The following RAB7B variants were observed in gnomAD, a reference collection of about 807,000 sequenced individuals.
RAB7B encodes the protein ras-related protein Rab-7b.
chr1:205,997,942 C>T (rs1384655121), intron 1 of RAB7B, among the ~76,000 whole-genome samples: 1 of 152,236 alleles, frequency 6.6e-6, no homozygotes, highest in Admixed American at 6.5e-5. Flanking sequence ...CTACCGAGGG[C>T]AGGCCATCTT....
At chr1:205,991,302 C>A (rs889957375) in intron 4 of RAB7B, among the ~76,000 whole-genome samples, 3 of 152,304 alleles carry the variant, frequency 2.0e-5, no homozygotes, top group South Asian at 2.1e-4. Flanking sequence ...AATGGAGACA[C>A]CTTGCCTTTG....
intron 2 of RAB7B, among the ~76,000 whole-genome samples, 177 bp downstream of exon 2, chr1:205,993,906 A>G (rs1660767304): frequency 6.6e-6 from 1 of 152,176 alleles, no homozygotes; most frequent in Non-Finnish European, 1.5e-5. Flanking sequence ...ACTGGAAACC[A>G]TCTGTTTACA....
At chr1:206,003,080 C>G (rs1022132858) in intron 1 of RAB7B, among the ~76,000 whole-genome samples, 173 bp downstream of exon 1, 18 of 152,204 alleles carry the variant, frequency 1.2e-4, no homozygotes, top group Non-Finnish European at 2.5e-4. Context: ...GCTGCCACAC[C>G]CTGGGAGCTT....
In RAB7B at chr1:205,985,764, C is replaced by CCCACCAGGCCCACCAGG. The variant is rs1660586150; in HGVS notation, c.397-100_397-99insCCTGGTGGGCCTGGTGG. 20 of 133,636 alleles carry CCCACCAGGCCCACCAGG rather than the reference C, an allele frequency of 1.5e-4. 2 individuals are homozygous for CCCACCAGGCCCACCAGG. The South Asian group carries it at 1.5e-3, about 10-fold the overall frequency. 8.3% of individuals were successfully genotyped at this position (133,636 alleles called of 1,614,324 possible). A position where few individuals can be genotyped will look rare whatever the true frequency, so the allele number is the denominator to read the frequency against. On this transcript the variant is annotated intron_variant, in intron 4 of 5. Coordinates refer to ENST00000617070, the MANE Select transcript of RAB7B (RefSeq NM_001164522.3). ...CCACCATCCCCATCAGGCCCACCAT[C>CCCACCAGGCCCACCAGG]CCCACCATCCCCATCATCCCCACCA...
At chr1:205,983,108 C>T (rs1205799176) in intron 5 of RAB7B, among the ~76,000 whole-genome samples, 3 of 152,258 alleles carry the variant, frequency 2.0e-5, no homozygotes, top group East Asian at 1.9e-4. Flanking sequence ...CACTCCTAGT[C>T]GGGGTTCACG....
intron 1 of RAB7B, among the ~76,000 whole-genome samples, chr1:205,997,169 C>T (rs1319528561): frequency 2.6e-5 from 4 of 152,166 alleles, no homozygotes; most frequent in Non-Finnish European, 5.9e-5. Context: ...ATGGTTCACA[C>T]GTTCATGCAG....
intron 1 of RAB7B, among the ~76,000 whole-genome samples, chr1:205,996,484 A>G (rs1660814701): frequency 6.6e-6 from 1 of 152,126 alleles, no homozygotes; most frequent in African/African-American, 2.4e-5. Flanking sequence ...TTGGCTTTCC[A>G]ACTGGAGAAT....
chr1:205,999,624 A>C (rs1413508960), intron 1 of RAB7B, among the ~76,000 whole-genome samples: 1 of 152,220 alleles, frequency 6.6e-6, no homozygotes, highest in African/African-American at 2.4e-5. Flanking sequence ...TCCTACAGAA[A>C]TACTCATGCA....
intron 5 of RAB7B, chr1:205,984,297 C>T (rs921163870): frequency 3.9e-5 from 6 of 152,416 alleles, no homozygotes; most frequent in Admixed American, 3.9e-4. Flanking sequence ...GGCTCTTCTC[C>T]CTGAGCAGCC....
intron 1 of RAB7B, among the ~76,000 whole-genome samples, chr1:205,996,778 T>C (rs1660818175): frequency 6.6e-6 from 1 of 152,132 alleles, no homozygotes. Context: ...CTTACAGTCA[T>C]GGGTGGATGG....
At position 205,992,653 on chromosome 1, in the gene RAB7B, A is replaced by G; in HGVS notation, c.223T>C (p.Ser75Pro). The G allele has an allele frequency of 2.5e-6, 1 of 398,796 alleles. No homozygotes were observed. 24.7% of individuals were successfully genotyped at this position (398,796 alleles called of 1,614,324 possible). ...GGQERFRSMV[S>P]TFYKGSDGCI... The stretch of plus-strand genomic sequence containing the variant: ...CCATCGGAGCCCTTGTAGAACGTGG[A>G]CACCATGGAGCGGAACCGCTCCTGA... Residue 75 changes from serine to proline, a missense_variant, in exon 4 of 6, where the codon TCC (serine) becomes CCC (proline). Coordinates refer to ENST00000617070, the MANE Select transcript of RAB7B (RefSeq NM_001164522.3).
intron 1 of RAB7B, among the ~76,000 whole-genome samples, chr1:206,001,094 G>A (rs894437454): frequency 1.3e-5 from 2 of 152,232 alleles, no homozygotes; most frequent in Non-Finnish European, 2.9e-5. Flanking sequence ...TATTTTATAA[G>A]AGCCCAGTCC....
chr1:205,979,693 C>T (rs1299457735), intron 5 of RAB7B, among the ~76,000 whole-genome samples: 14 of 152,282 alleles, frequency 9.2e-5, no homozygotes, highest in African/African-American at 2.4e-5. Context: ...AGCTCAATCG[C>T]GTTCATGTTC....
At chr1:205,993,771 G>A (rs1368584632) in intron 2 of RAB7B, among the ~76,000 whole-genome samples, 6 of 152,324 alleles carry the variant, frequency 3.9e-5, no homozygotes, top group Admixed American at 6.5e-5. Flanking sequence ...GTCTGGAGAC[G>A]GTGGAATATC....
chr1:205,998,278 C>G (rs1305170215), intron 1 of RAB7B, among the ~76,000 whole-genome samples: 1 of 152,196 alleles, frequency 6.6e-6, no homozygotes, highest in African/African-American at 2.4e-5. Context: ...ATCACTTGAA[C>G]CCGGGAGGCA....
At chr1:205,996,302 C>A (rs1660812661) in intron 1 of RAB7B, among the ~76,000 whole-genome samples, 1 of 152,104 alleles carries the variant, frequency 6.6e-6, no homozygotes, top group South Asian at 2.1e-4. Flanking sequence ...TCTTTGGATG[C>A]ACTAAGCATG....
At chr1:205,990,178 C>T (rs1256745515) in intron 4 of RAB7B, among the ~76,000 whole-genome samples, 1 of 152,210 alleles carries the variant, frequency 6.6e-6, no homozygotes, top group African/African-American at 2.4e-5. Context: ...GATCAAGACT[C>T]TCTTGGATGA....
intron 4 of RAB7B, among the ~76,000 whole-genome samples, chr1:205,986,616 A>T (rs1660612865): frequency 6.6e-6 from 1 of 152,204 alleles, no homozygotes; most frequent in African/African-American, 2.4e-5. Context: ...TCTCCACCCA[A>T]GTGCAAACGG....
intron 1 of RAB7B, among the ~76,000 whole-genome samples, chr1:205,997,997 G>A (rs1430350047): frequency 6.6e-6 from 1 of 152,194 alleles, no homozygotes; most frequent in Non-Finnish European, 1.5e-5. Flanking sequence ...CCAAGAAGCT[G>A]AGTAATCACA....
Sources: allele counts gnomAD v4.1 joint callset (sites outside exome capture counted in the v4.1 genomes callset), GRCh38; gene constraint gnomAD v4.1.1; transcripts MANE v1.5; gene names NCBI Gene and HGNC (gene_info 2026-07-23, HGNC 2026-07-21).